MFAP3: variants seen among roughly 807,000 people sequenced by gnomAD.
MFAP3 encodes the protein microfibril associated protein 3.
A neutral mutation model predicts 20.5 loss-of-function variants in MFAP3; 8 were observed. That is an observed-to-expected ratio of 0.39 (90% CI 0.23 to 0.70). The LOEUF (loss-of-function observed/expected upper bound fraction) is 0.70, where lower values mean the gene tolerates loss of function less well. Ranked by LOEUF, MFAP3 falls within the 30% of genes least tolerant of loss-of-function variation. The probability of loss-of-function intolerance (pLI) is 0.44; values close to 1 mark genes in which losing one functional copy is unlikely to be tolerated. For synonymous variants in MFAP3, 140 were observed against 154.0 expected (o/e 0.91, Z 0.67); for missense variants, 398 against 444.6 (o/e 0.90, Z 0.94).
At chr5:154,039,811 C>G (rs1187505905) in intron 1 of MFAP3, among the ~76,000 whole-genome samples, 2 of 152,256 alleles carry the variant, frequency 1.3e-5, no homozygotes, top group Admixed American at 6.5e-5. Flanking sequence ...AGGGACTTAG[C>G]CTTTAAGAAC....
chr5:154,050,496 T>C (rs1249136699), intron 2 of MFAP3, among the ~76,000 whole-genome samples: 4 of 152,092 alleles, frequency 2.6e-5, no homozygotes, highest in African/African-American at 9.7e-5. Context: ...TACTATAAAC[T>C]TTAGAGGAAA....
In MFAP3 at chr5:154,052,917, C is replaced by T. The variant is rs762256817; in HGVS notation, c.296-3C>T. 8 of 1,593,294 alleles carry T rather than the reference C, an allele frequency of 5.0e-6. No homozygotes were observed. The East Asian group carries it at 1.6e-4, about 31-fold the overall frequency. On this transcript the variant is annotated splice_region_variant and splice_polypyrimidine_tract_variant and intron_variant, in intron 2 of 2. Coordinates refer to ENST00000522782, the MANE Select transcript of MFAP3 (RefSeq NM_005927.5). ...TTTTTTTTCATTTCTGTTCAATTAT[C>T]AGGTGGAAAGTGGTTGGTTTCTGAT...
chr5:154,051,628 C>CT (rs1446606196), intron 2 of MFAP3: 1 of 152,132 alleles, frequency 6.6e-6, no homozygotes, highest in Non-Finnish European at 1.5e-5. Context: ...TTTCATAGCT[C>CT]TAAGTTCATA....
In MFAP3 at chr5:154,049,861, A is replaced by C. The variant is rs754125012; in HGVS notation, c.139A>C (p.Ser47Arg). 12 of 1,613,600 alleles carry C rather than the reference A, an allele frequency of 7.4e-6. No individual in the cohort carries two copies. Among genetic ancestry groups the C allele is most frequent in the Non-Finnish European group, 1.0e-5 (12 of 1,179,744 alleles). The change falls in exon 2 of 3, where the codon AGC becomes CGC. Residue 47 changes from serine to arginine, a missense_variant. Transcript: ENST00000522782. ...TTCTTACAATGCATCCTTTCCCTCAAGCTTTGAACTCTCAGCAAGTTCCCA... is the reference window on the plus strand; with the variant it reads ...TTCTTACAATGCATCCTTTCCCTCACGCTTTGAACTCTCAGCAAGTTCCCA... ...RSSYNASFPS[S>R]FELSASSHSD...
chr5:154,040,856 T>C (rs1347815760), intron 1 of MFAP3, among the ~76,000 whole-genome samples: 1 of 152,174 alleles, frequency 6.6e-6, no homozygotes, highest in African/African-American at 2.4e-5. Flanking sequence ...GTGTCTTTCT[T>C]ATCTTCACCT....
Position 154,053,355 on chromosome 5 carries a change from T to G in MFAP3, c.731T>G (p.Leu244Arg). ...GCAAGAAGTGTCCCTCTTCCACCTC[T>G]TATTCTAAACTGTCGAGCCTTTGTT... ...ELARSVPLPP[L>R]ILNCRAFVEE... Residue 244 changes from leucine to arginine, a missense_variant, in exon 3 of 3, where the codon CTT becomes CGT. By Grantham distance (102) the Leu-to-Arg change is moderately radical. Transcript: ENST00000522782. 1 of 1,614,066 alleles carries G rather than the reference T, an allele frequency of 6.2e-7. No homozygotes were observed. Among genetic ancestry groups the G allele is most frequent in the East Asian group, 2.2e-5 (1 of 44,884 alleles).
At chr5:154,041,652 G>A (rs1393061701) in intron 1 of MFAP3, among the ~76,000 whole-genome samples, 1 of 152,202 alleles carries the variant, frequency 6.6e-6, no homozygotes, top group Admixed American at 6.5e-5. Flanking sequence ...GAAATCACCA[G>A]TAGATTGTAA....
rs780522617 is a variant in MFAP3, at chr5:154,053,413, C to T, written c.789C>T (p.Asp263=). 40 of 1,613,834 alleles carry T rather than the reference C, an allele frequency of 2.5e-5. No individual in the cohort carries two copies. Among genetic ancestry groups the T allele is most frequent in the Admixed American group, 1.8e-4 (11 of 59,942 alleles). The change falls in exon 3 of 3, where the codon GAC becomes GAT. Residue 263 remains aspartate (D), a synonymous_variant. Coordinates refer to ENST00000522782, the MANE Select transcript of MFAP3 (RefSeq NM_005927.5). Reference sequence around the variant, plus strand: ...TGTTTGAGGCTGTGCGAGTGGACGACCCTGATGACCTGGGTGAAAGAATTA... The same window carrying T: ...TGTTTGAGGCTGTGCGAGTGGACGATCCTGATGACCTGGGTGAAAGAATTA... ...EEMFEAVRVD[D]PDDLGERIKE...
intron 2 of MFAP3, 30 bp from the exon 3 acceptor site, chr5:154,052,890 A>ATTTTTTTTTTT (rs11451300): frequency 2.7e-6 from 4 of 1,502,526 alleles, no homozygotes; most frequent in Admixed American, 1.9e-5. Context: ...TTTTGCTATA[A>ATTTTTTTTTTT]TTTTTTTTTC....
intron 1 of MFAP3, among the ~76,000 whole-genome samples, chr5:154,041,360 A>G (rs1455628475): frequency 6.6e-6 from 1 of 152,272 alleles, no homozygotes; most frequent in African/African-American, 2.4e-5. Context: ...ATGGCAGGAA[A>G]GCTGGGTAGA....
Position 154,049,674 on chromosome 5 carries a change from G to A in MFAP3, c.-49G>A. ...CCCGCTGTGCTTTTGTTGTAGTGTAGAAGTTTTTGAGTTCTCCAAATCTAA... is the reference window on the plus strand; with the variant it reads ...CCCGCTGTGCTTTTGTTGTAGTGTAAAAGTTTTTGAGTTCTCCAAATCTAA... On this transcript the variant is annotated 5_prime_UTR_variant, in exon 2 of 3. Coordinates refer to ENST00000522782, the MANE Select transcript of MFAP3 (RefSeq NM_005927.5). 1 of 1,558,424 alleles carries A rather than the reference G, an allele frequency of 6.4e-7. No homozygotes were observed. The highest frequency in any genetic ancestry group is 1.2e-5 in the South Asian group (1 of 83,124).
rs1450217928 is a variant in MFAP3 at position 154,057,077 on chromosome 5, G to A, written c.*3364G>A. On this transcript the variant is annotated 3_prime_UTR_variant, in exon 3 of 3. Coordinates refer to ENST00000522782, the MANE Select transcript of MFAP3 (RefSeq NM_005927.5). Reference sequence around the variant, plus strand: ...CCTAGATCAGACTTTTGTCTCTTGGGTCCCAGATGGCACAGGAGCACTGCA... The same window carrying A: ...CCTAGATCAGACTTTTGTCTCTTGGATCCCAGATGGCACAGGAGCACTGCA... 6.6e-6 allele frequency among the ~76,000 whole-genome samples: 1 copy of A among 152,124 alleles called. No individual in the cohort carries two copies. The highest frequency in any genetic ancestry group is 1.5e-5 in the Non-Finnish European group (1 of 68,030).
intron 1 of MFAP3, among the ~76,000 whole-genome samples, chr5:154,040,860 T>G (rs961814739): frequency 1.3e-5 from 2 of 152,148 alleles, no homozygotes; most frequent in Non-Finnish European, 2.9e-5. Flanking sequence ...CTTTCTTATC[T>G]TCACCTCTCT....
At chr5:154,039,223 A>G (rs1772834454) in intron 1 of MFAP3, 2 of 152,268 alleles carry the variant, frequency 1.3e-5, no homozygotes, top group African/African-American at 4.8e-5. Context: ...GGGACACATC[A>G]GTCAACGAAC....
chr5:154,040,726 A>G (rs183667004), intron 1 of MFAP3, among the ~76,000 whole-genome samples: 28 of 152,336 alleles, frequency 1.8e-4, no homozygotes, highest in African/African-American at 6.0e-4. Flanking sequence ...TGGGGTCAAG[A>G]AATCTGCATC....
intron 1 of MFAP3, among the ~76,000 whole-genome samples, chr5:154,045,957 C>T (rs558615129): frequency 9.9e-5 from 15 of 152,270 alleles, no homozygotes; most frequent in South Asian, 2.1e-4. Flanking sequence ...GTATTAGTGG[C>T]CCTTAGATGC....
Position 154,055,445 on chromosome 5 carries a change from C to G in MFAP3, c.*1732C>G, listed in dbSNP as rs971083434. ...GCCTTTTCTGTCTCTCAGGCTGTTT[C>G]CATGGAAACCTCTAGAGCCAAATAA... On this transcript the variant is annotated 3_prime_UTR_variant, in exon 3 of 3. Transcript: ENST00000522782. Among the ~76,000 whole-genome samples the G allele has an allele frequency of 6.6e-6, 1 of 152,158 alleles. No homozygotes were observed.
At position 154,055,012 on chromosome 5, in the gene MFAP3, A is replaced by G. The variant is rs917046433; in HGVS notation, c.*1299A>G. The G allele has an allele frequency of 6.0e-6, 1 of 166,820 alleles. No homozygotes were observed. Among genetic ancestry groups the G allele is most frequent in the Non-Finnish European group, 1.5e-5 (1 of 68,116 alleles). 10.3% of individuals were successfully genotyped at this position (166,820 alleles called of 1,614,324 possible). On this transcript the variant is annotated 3_prime_UTR_variant, in exon 3 of 3. Transcript: ENST00000522782. ...ATGATGCCACCTGCTTCAACTGTAT[A>G]TAATAAACACTTATGATGACATTTC...
rs1773264734 is a variant in MFAP3 at position 154,053,799 on chromosome 5, A to C, written c.*86A>C. The C allele has an allele frequency of 1.6e-6, 2 of 1,281,230 alleles. No individual in the cohort carries two copies. Among genetic ancestry groups the C allele is most frequent in the African/African-American group, 1.5e-5 (1 of 66,680 alleles). The allele number at this position is 1,281,230 out of a possible 1,614,324, so 79.4% of individuals were successfully genotyped here. ...TCTTAGAAGAAGTAACATTTTTGCC[A>C]AAAGATGACTGGGGTTTTCCGTTTG... On this transcript the variant is annotated 3_prime_UTR_variant, in exon 3 of 3. Coordinates refer to ENST00000522782, the MANE Select transcript of MFAP3 (RefSeq NM_005927.5).
Sources: gnomAD v4.1 joint callset for allele counts (sites outside exome capture counted in the v4.1 genomes callset) on GRCh38, gnomAD v4.1.1 for gene constraint, MANE v1.5 for transcripts, NCBI Gene and HGNC (gene_info 2026-07-23, HGNC 2026-07-21) for gene names.